Variants in TANC2 observed in about 807,000 individuals in gnomAD.
TANC2 encodes the protein protein TANC2.
In TANC2, 26 loss-of-function variants were observed where a neutral mutation model predicts 210.5. That is an observed-to-expected ratio of 0.12 (90% CI 0.09 to 0.17). The LOEUF (loss-of-function observed/expected upper bound fraction) is 0.17. Among genes scored for constraint, TANC2 ranks in the 10% least tolerant of loss-of-function variants. TANC2 has a pLI of 1.00. For synonymous variants in TANC2, 931 were observed against 967.1 expected (o/e 0.96, Z 0.69); for missense variants, 2,129 against 2,608.9 (o/e 0.82, Z 4.01).
At chr17:62,994,494 A>G (rs1340485965) in intron 1 of TANC2, among the ~76,000 whole-genome samples, 1 of 151,964 alleles carries the variant, frequency 6.6e-6, no homozygotes. Context: ...CAGGCTTTTT[A>G]TAGATGCCAT....
At chr17:63,202,053 CTTATAG>C (rs1204782884) in intron 7 of TANC2, among the ~76,000 whole-genome samples, 1 of 152,012 alleles carries the variant, frequency 6.6e-6, no homozygotes, top group Non-Finnish European at 1.5e-5. Flanking sequence ...TAATGCTCTT[CTTATAG>C]TTAGGTATGG....
chr17:63,260,149 C>T (rs1038962614), intron 8 of TANC2, among the ~76,000 whole-genome samples: 2 of 152,170 alleles, frequency 1.3e-5, no homozygotes, highest in Non-Finnish European at 2.9e-5. Context: ...AGGAAGGAGG[C>T]ACTCATTGTA....
chr17:63,295,410 C>T (rs2044504960), intron 9 of TANC2, among the ~76,000 whole-genome samples: 1 of 152,126 alleles, frequency 6.6e-6, no homozygotes, highest in African/African-American at 2.4e-5. Context: ...AAACTGAGGC[C>T]TTTGAGTCTG....
intron 5 of TANC2, among the ~76,000 whole-genome samples, chr17:63,169,348 A>G (rs1379469727): frequency 5.3e-5 from 8 of 152,200 alleles, no homozygotes; most frequent in Non-Finnish European, 1.2e-4. Flanking sequence ...GTAGAAATAA[A>G]TGAAGCTAGG....
At chr17:63,193,911 A>G in intron 5 of TANC2, 80 bp from the exon 6 acceptor site, 1 of 1,390,716 alleles carries the variant, frequency 7.2e-7, no homozygotes, top group Non-Finnish European at 9.5e-7. Context: ...AGAAATGACC[A>G]AAGTGAATGT....
intron 4 of TANC2, among the ~76,000 whole-genome samples, chr17:63,100,442 A>G (rs1266174264): frequency 6.6e-6 from 1 of 152,136 alleles, no homozygotes; most frequent in Non-Finnish European, 1.5e-5. Context: ...CACTTTGGTC[A>G]TTAGATTAAA....
intron 9 of TANC2, among the ~76,000 whole-genome samples, chr17:63,285,113 GTTTA>G (rs1390224780): frequency 6.6e-6 from 1 of 151,868 alleles, no homozygotes; most frequent in African/African-American, 2.4e-5. Flanking sequence ...TAGCCTATTT[GTTTA>G]TTTATATTTA....
chr17:63,354,727 A>G (rs539603309), intron 13 of TANC2, 56 bp from the exon 14 acceptor site: 2 of 1,515,440 alleles, frequency 1.3e-6, no homozygotes, highest in East Asian at 2.3e-5. Flanking sequence ...GTTTATCACA[A>G]GAGTTAGGGG....
At chr17:63,312,237 T>C (rs1238812069) in intron 9 of TANC2, among the ~76,000 whole-genome samples, 1 of 152,202 alleles carries the variant, frequency 6.6e-6, no homozygotes, top group East Asian at 1.9e-4. Context: ...GTAGTTTTTT[T>C]GTTCTACCAA....
rs746472611 is a variant in TANC2 at position 63,420,958 on chromosome 17, T to A, written c.5228T>A (p.Val1743Asp). The A allele has an allele frequency of 8.7e-6, 14 of 1,613,704 alleles. No individual in the cohort carries two copies. The highest frequency in any genetic ancestry group is 1.3e-5 in the African/African-American group (1 of 74,842). ...ATAGGAGTCAGCCAGAGCCGGTTGG[T>A]TTATCAAGGGTCAATTGGGGGAATC... is the stretch of plus-strand genomic sequence containing the variant. Residue 1743 changes from valine (V) to aspartate (D), a missense_variant, in exon 28 of 28, where the codon GTT (valine) becomes GAT (aspartate). By Grantham distance (152) the Val-to-Asp change is radical. Coordinates refer to ENST00000689528, the Ensembl canonical transcript of TANC2. The surrounding 1 kb of genome is among the most constrained non-coding windows in gnomAD (Gnocchi z 4.2).
chr17:63,244,294 C>T (rs1316886596), intron 8 of TANC2, among the ~76,000 whole-genome samples: 1 of 152,194 alleles, frequency 6.6e-6, no homozygotes, highest in Non-Finnish European at 1.5e-5. Context: ...ACTATTTCCA[C>T]CTCTTGGTAG....
At chr17:63,425,744 G>T (rs1343041373) in exon 28 of TANC2, 1 of 152,196 alleles carries the variant, frequency 6.6e-6, no homozygotes, top group Admixed American at 6.5e-5. Flanking sequence ...TGTGCAAGAC[G>T]AACTCTTTGA....
intron 14 of TANC2, among the ~76,000 whole-genome samples, chr17:63,358,585 A>C (rs1460658640): frequency 1.3e-5 from 2 of 152,172 alleles, no homozygotes; most frequent in Admixed American, 1.3e-4. Context: ...CCCTGAACTT[A>C]ATCTGTCCTA....
intron 11 of TANC2, among the ~76,000 whole-genome samples, chr17:63,329,497 CTG>C: frequency 6.6e-6 from 1 of 152,306 alleles, no homozygotes; most frequent in South Asian, 2.1e-4. Context: ...GTTGTCAAGG[CTG>C]TGGGAAAACA....
At chr17:63,190,171 C>CA (rs1268007534) in intron 5 of TANC2, among the ~76,000 whole-genome samples, 2 of 151,742 alleles carry the variant, frequency 1.3e-5, no homozygotes, top group African/African-American at 4.8e-5. Context: ...ACCATCTCTA[C>CA]AAAAAAATTT....
At chr17:63,010,052 GT>G (rs2033797406) in intron 2 of TANC2, among the ~76,000 whole-genome samples, 1 of 152,096 alleles carries the variant, frequency 6.6e-6, no homozygotes, top group Non-Finnish European at 1.5e-5. Flanking sequence ...TTAAAATAAA[GT>G]TTATGGGTTT....
At position 63,406,247 on chromosome 17, in the gene TANC2, C is replaced by G. The variant is rs769339759; in HGVS notation, c.3559C>G (p.Leu1187Val). The change falls in exon 21 of 28, where the codon CTA (leucine) becomes GTA (valine). Residue 1187 changes from leucine to valine, a missense_variant. This residue lies in a region of TANC2 where 644 missense variants were observed against 937.5 expected (regional missense o/e 0.69). Coordinates refer to ENST00000689528, the Ensembl canonical transcript of TANC2. The stretch of plus-strand genomic sequence containing the variant: ...GATGATGGCTGCTTCCGAAGGCCAT[C>G]TAGGAACCGTGGACTTTCTGCTTGC... The G allele has an allele frequency of 2.4e-5, 39 of 1,613,804 alleles. No individual in the cohort carries two copies. Among genetic ancestry groups the G allele is most frequent in the Admixed American group, 5.0e-5 (3 of 60,004 alleles).
intron 2 of TANC2, among the ~76,000 whole-genome samples, chr17:63,011,883 G>A (rs1010687631): frequency 6.6e-6 from 1 of 151,592 alleles, no homozygotes; most frequent in African/African-American, 2.4e-5. Flanking sequence ...TCTTAAGAAA[G>A]TCTTTGGTCT....
intron 2 of TANC2, among the ~76,000 whole-genome samples, chr17:63,040,841 T>A (rs1231677983): frequency 6.6e-6 from 1 of 152,152 alleles, no homozygotes; most frequent in Non-Finnish European, 1.5e-5. Flanking sequence ...GGGTAGTAAA[T>A]TGGAGTATGA....
Sources: gnomAD v4.1 joint callset for allele counts (sites outside exome capture counted in the v4.1 genomes callset) on GRCh38, gnomAD v4.1.1 for gene constraint, gnomAD v4.1.1 regional missense constraint, Gnocchi (gnomAD v3.1) non-coding constraint, MANE v1.5 for transcripts, NCBI Gene and HGNC (gene_info 2026-07-23, HGNC 2026-07-21) for gene names.